Variants in MYH9 observed in about 807,000 individuals in gnomAD.
MYH9 encodes myosin-9.
A neutral mutation model predicts 241.9 loss-of-function variants in MYH9; 29 were observed. The ratio of observed to expected loss-of-function variants is 0.12; its 90% CI spans 0.09 to 0.16. The LOEUF (loss-of-function observed/expected upper bound fraction) is 0.16, where lower values mean the gene tolerates loss of function less well. Ranked by LOEUF, MYH9 falls within the 10% of genes least tolerant of loss-of-function variation. The pLI is 1.00. For synonymous variants in MYH9, 1,047 were observed against 1,062.6 expected (o/e 0.99, Z 0.29); for missense variants, 1,803 against 2,595.5 (o/e 0.69, Z 6.63).
intron 3 of MYH9, among the ~76,000 whole-genome samples, chr22:36,331,589 G>C (rs747754464): frequency 5.3e-5 from 8 of 152,166 alleles, no homozygotes; most frequent in Non-Finnish European, 1.0e-4. Context: ...TCTGTGAGAG[G>C]AGCTGCAGCT....
At chr22:36,380,413 C>CA (rs2146426765) in intron 1 of MYH9, among the ~76,000 whole-genome samples, 1 of 152,274 alleles carries the variant, frequency 6.6e-6, no homozygotes, top group East Asian at 1.9e-4. Context: ...TGGGAAGGGG[C>CA]ATAATAGTGG....
intron 1 of MYH9, among the ~76,000 whole-genome samples, chr22:36,370,929 G>T (rs770283353): frequency 6.6e-6 from 1 of 152,222 alleles, no homozygotes; most frequent in African/African-American, 2.4e-5. Context: ...ACACTGCTGA[G>T]AGCATTTCAT....
chr22:36,316,248 G>T (rs955779195), intron 12 of MYH9, among the ~76,000 whole-genome samples: 3 of 151,608 alleles, frequency 2.0e-5, no homozygotes, highest in Non-Finnish European at 2.9e-5. Flanking sequence ...TGGTCAGGCT[G>T]GTCTCAAACT....
chr22:36,288,152 C>A lies in MYH9; in HGVS notation c.4932+100G>T. ...CCCAGGACCTTCCCAGGAGGTGCCA[C>A]CCTGCCAGGTTCCCGCCCTGGGCCG... is the stretch of plus-strand genomic sequence containing the variant. On this transcript the variant is annotated intron_variant, in intron 34 of 40. Coordinates refer to ENST00000216181, the MANE Select transcript of MYH9 (RefSeq NM_002473.6). This position sits in a 1 kb window ranked among gnomAD's most constrained non-coding sequence, Gnocchi z 4.8. The A allele has an allele frequency of 2.0e-6, 3 of 1,475,424 alleles. No individual in the cohort carries two copies. Among genetic ancestry groups the A allele is most frequent in the Non-Finnish European group, 2.8e-6 (3 of 1,069,434 alleles). 91.4% of individuals were successfully genotyped at this position (1,475,424 alleles called of 1,614,324 possible).
In MYH9 at chr22:36,283,645, C is replaced by CA. The variant is rs2016530170; in HGVS notation, c.5765+447dup. Among the ~76,000 whole-genome samples the CA allele has an allele frequency of 2.6e-5, 4 of 151,418 alleles. No individual in the cohort carries two copies. In the South Asian group the frequency reaches 8.4e-4, roughly 32 times the overall value. ...CAAAATGAGAGTCTCAAAAAACCCA[C>CA]AAAAAAACACGTAAGAAATGAGAAT... On this transcript the variant is annotated intron_variant, in intron 40 of 40. Coordinates refer to ENST00000216181, the MANE Select transcript of MYH9 (RefSeq NM_002473.6).
rs2017405513 is a variant in MYH9, at chr22:36,330,524, A to G, written c.491-3036T>C. Among the ~76,000 whole-genome samples the G allele has an allele frequency of 2.0e-5, 3 of 152,076 alleles. No individual in the cohort carries two copies. The highest frequency in any genetic ancestry group is 6.5e-5 in the Admixed American group (1 of 15,268). On this transcript the variant is annotated intron_variant, in intron 3 of 40. Transcript: ENST00000216181. This position sits in a 1 kb window ranked among gnomAD's most constrained non-coding sequence, Gnocchi z 4.5. ...TCTTTCCACACAGCGGTTCTTCTGG[A>G]TTTGTTCCTGATCTCAGAGGCATCT...
intron 13 of MYH9, among the ~76,000 whole-genome samples, chr22:36,312,553 T>C (rs941946269): frequency 6.6e-6 from 1 of 152,192 alleles, no homozygotes; most frequent in Non-Finnish European, 1.5e-5. Flanking sequence ...CCCAGGAGGC[T>C]GCCCTCAACA....
At position 36,305,497 on chromosome 22, in the gene MYH9, C is replaced by T. The variant is rs1603483139; in HGVS notation, c.2160-395G>A. Among the ~76,000 whole-genome samples, 1 of 152,134 alleles carries T rather than the reference C, an allele frequency of 6.6e-6. No individual in the cohort carries two copies. The highest frequency in any genetic ancestry group is 1.5e-5 in the Non-Finnish European group (1 of 68,020). ...GCCCAAGAAATAAAGGGCTGCGTCC[C>T]GACAGCAACTGACACTCAGCACAGT... On this transcript the variant is annotated intron_variant, in intron 17 of 40. Transcript: ENST00000216181. The surrounding 1 kb of genome is among the most constrained non-coding windows in gnomAD (Gnocchi z 4.7).
chr22:36,306,674 G>A lies in MYH9; in HGVS notation c.1844-67C>T. The A allele has an allele frequency of 6.8e-7, 1 of 1,473,142 alleles. No individual in the cohort carries two copies. Among genetic ancestry groups the A allele is most frequent in the Non-Finnish European group, 9.3e-7 (1 of 1,073,740 alleles). The allele number at this position is 1,473,142 out of a possible 1,614,324, so 91.3% of individuals were successfully genotyped here. ...CAGCTGGGTGGTGGGGGAGCACGTA[G>A]GAGAGAGAGACAGGCACACGTCGGA... On this transcript the variant is annotated intron_variant, in intron 15 of 40. Coordinates refer to ENST00000216181, the MANE Select transcript of MYH9 (RefSeq NM_002473.6). This position sits in a 1 kb window ranked among gnomAD's most constrained non-coding sequence, Gnocchi z 4.1.
intron 14 of MYH9, among the ~76,000 whole-genome samples, chr22:36,309,948 TC>T (rs1158892387): frequency 6.6e-6 from 1 of 152,338 alleles, no homozygotes; most frequent in African/African-American, 2.4e-5. Context: ...TCCTTTTTTC[TC>T]ATTTTAAATA....
chr22:36,341,558 T>C, intron 2 of MYH9, 32 bp from the exon 3 acceptor site: 1 of 1,610,998 alleles, frequency 6.2e-7, no homozygotes, highest in Non-Finnish European at 8.5e-7. Flanking sequence ...AGGAACAGGT[T>C]AGGAAGTTTG....
intron 30 of MYH9, among the ~76,000 whole-genome samples, chr22:36,292,957 A>G (rs2016730404): frequency 6.6e-6 from 1 of 152,232 alleles, no homozygotes; most frequent in Admixed American, 6.5e-5. Flanking sequence ...CCTGGGACCC[A>G]TGAGGCCAAG....
rs775695035 is a variant in MYH9, at chr22:36,293,754, C to G, written c.3942+5G>C. On this transcript the variant is annotated splice_donor_5th_base_variant and intron_variant, in intron 29 of 40. Transcript: ENST00000216181. This position sits in a 1 kb window ranked among gnomAD's most constrained non-coding sequence, Gnocchi z 5.1. ...CACCTTCTGGGAACCTGGCGCCACC[C>G]CTACCTGAGTGTCCTGCAGCTGGGA... 32 of 1,613,268 alleles carry G rather than the reference C, an allele frequency of 2.0e-5. No homozygotes were observed. Among genetic ancestry groups the G allele is most frequent in the Non-Finnish European group, 2.4e-5 (28 of 1,179,770 alleles).
intron 30 of MYH9, among the ~76,000 whole-genome samples, chr22:36,292,870 T>C (rs2016728715): frequency 6.6e-6 from 1 of 152,178 alleles, no homozygotes; most frequent in South Asian, 2.1e-4. Context: ...AAAATGCAGT[T>C]GTCACACATT....
intron 1 of MYH9, among the ~76,000 whole-genome samples, chr22:36,362,227 G>T (rs1012568500): frequency 6.6e-6 from 1 of 152,124 alleles, no homozygotes; most frequent in Admixed American, 6.5e-5. Context: ...GTGATTAAAT[G>T]ACACGAGAGG....
At chr22:36,384,036 C>T (rs1261408479) in intron 1 of MYH9, among the ~76,000 whole-genome samples, 1 of 150,564 alleles carries the variant, frequency 6.6e-6, no homozygotes, top group African/African-American at 2.4e-5. Context: ...TCTGGGAGGT[C>T]GAGGCCGGTG....
intron 3 of MYH9, among the ~76,000 whole-genome samples, chr22:36,339,048 T>A (rs1306864551): frequency 6.6e-6 from 1 of 152,152 alleles, no homozygotes; most frequent in Admixed American, 6.5e-5. Flanking sequence ...ACTTTCAATG[T>A]ATGGAGCTTT....
intron 34 of MYH9, 29 bp from the exon 35 acceptor site, chr22:36,286,875 C>T: frequency 6.2e-7 from 1 of 1,602,306 alleles, no homozygotes; most frequent in Non-Finnish European, 8.5e-7. Flanking sequence ...CTTGGCACCC[C>T]ACCCAGCTCC....
rs76231238 is a variant in MYH9 at position 36,375,182 on chromosome 22, C to A, written c.-20+12625G>T. On this transcript the variant is annotated intron_variant, in intron 1 of 40. Coordinates refer to ENST00000216181, the MANE Select transcript of MYH9 (RefSeq NM_002473.6). Reference sequence around the variant, plus strand: ...GTGGACAGATGAAGGACGAAAGGAACCCAATGGTTTCAAGATGGCTGATGT... The same window carrying A: ...GTGGACAGATGAAGGACGAAAGGAAACCAATGGTTTCAAGATGGCTGATGT... Among the ~76,000 whole-genome samples the A allele has an allele frequency of 1.1e-3, 161 of 152,274 alleles. 1 individual carries two copies. Among genetic ancestry groups the A allele is most frequent in the Non-Finnish European group, 1.9e-3 (132 of 68,020 alleles).
Sources: allele counts gnomAD v4.1 joint callset (sites outside exome capture counted in the v4.1 genomes callset), GRCh38; gene constraint gnomAD v4.1.1; non-coding constraint Gnocchi (gnomAD v3.1); transcripts MANE v1.5; gene names NCBI Gene and HGNC (gene_info 2026-07-23, HGNC 2026-07-21).